The following UBAC2 variants were observed in gnomAD, a reference collection of about 807,000 sequenced individuals.
UBAC2 encodes the protein UBA domain containing 2.
Under a neutral mutation model 44.0 loss-of-function variants are expected in UBAC2, and 26 were observed. That is an observed-to-expected ratio of 0.59 (90% CI 0.43 to 0.82). The LOEUF is 0.82. Among genes scored for constraint, UBAC2 ranks in the 40% least tolerant of loss-of-function variants. The probability of loss-of-function intolerance (pLI) is 0.00; values close to 1 mark genes in which losing one functional copy is unlikely to be tolerated. For missense variants in UBAC2, 329 were observed against 419.4 expected, an observed-to-expected ratio of 0.78 and a Z score of 1.88; for synonymous variants, 155 against 154.3, an observed-to-expected ratio of 1.00 and a Z score of -0.04.
intron 6 of UBAC2, among the ~76,000 whole-genome samples, chr13:99,332,380 A>C (rs2044728312): frequency 6.6e-6 from 1 of 152,210 alleles, no homozygotes; most frequent in Non-Finnish European, 1.5e-5. Context: ...CCTTCCTAAA[A>C]GGATGAAGCA....
chr13:99,234,171 C>CTTTTTTTTTT (rs773370310), intron 1 of UBAC2, among the ~76,000 whole-genome samples: 2 of 61,712 alleles, frequency 3.2e-5, no homozygotes, highest in African/African-American at 6.8e-5. Context: ...CTAGCCGTTT[C>CTTTTTTTTTT]TTTTTTTTTT....
At chr13:99,266,658 G>A (rs893569230) in intron 4 of UBAC2, among the ~76,000 whole-genome samples, 2 of 151,992 alleles carry the variant, frequency 1.3e-5, no homozygotes, top group Non-Finnish European at 2.9e-5. Context: ...ACATAAATGT[G>A]GCCTTAGAAC....
Position 99,295,868 on chromosome 13 carries a change from A to G in UBAC2, c.390-18229A>G, listed in dbSNP as rs761576193. On this transcript the variant is annotated intron_variant, in intron 4 of 8. Transcript: ENST00000403766. This position sits in a 1 kb window ranked among gnomAD's most constrained non-coding sequence, Gnocchi z 4.1. ...ATCTCCGATTCTCCAGTCAAAGCCC[A>G]TTGCATAGTAGGCTATTCGTGTAGG... 7.5e-6 allele frequency: 12 copies of G among 1,608,254 alleles called. No individual in the cohort carries two copies. The highest frequency in any genetic ancestry group is 1.0e-5 in the Non-Finnish European group (12 of 1,176,436).
rs143283188 is a variant in UBAC2, at chr13:99,255,224, C to T, written c.389+10600C>T. The T allele has an allele frequency of 1.5e-5, 25 of 1,613,802 alleles. No homozygotes were observed. The highest frequency in any genetic ancestry group is 4.0e-5 in the African/African-American group (3 of 74,818). On this transcript the variant is annotated intron_variant, in intron 4 of 8. Transcript: ENST00000403766. Reference sequence around the variant, plus strand: ...TTGGGTTTCAGCTTAGACGTCCTGCCGTGAAGGAGATTATGAATAATGACC... The same window carrying T: ...TTGGGTTTCAGCTTAGACGTCCTGCTGTGAAGGAGATTATGAATAATGACC...
intron 6 of UBAC2, among the ~76,000 whole-genome samples, chr13:99,333,105 A>G (rs897905227): frequency 6.7e-6 from 1 of 149,120 alleles, no homozygotes; most frequent in Non-Finnish European, 1.5e-5. Context: ...CTGGGGGGGG[A>G]AGAAAGAGAG....
chr13:99,245,820 G>A (rs2043376768), intron 4 of UBAC2, among the ~76,000 whole-genome samples: 1 of 152,108 alleles, frequency 6.6e-6, no homozygotes, highest in Non-Finnish European at 1.5e-5. Context: ...GGGTGACAGA[G>A]TGAGACTCCG....
chr13:99,315,125 G>T (rs894920217), intron 5 of UBAC2, among the ~76,000 whole-genome samples: 2 of 151,982 alleles, frequency 1.3e-5, no homozygotes, highest in African/African-American at 4.8e-5. Flanking sequence ...CATCTGGGGC[G>T]TTTTCTTACC....
At chr13:99,202,274 G>A (rs760601362) in intron 1 of UBAC2, among the ~76,000 whole-genome samples, 1 of 151,980 alleles carries the variant, frequency 6.6e-6, no homozygotes, top group African/African-American at 2.4e-5. Flanking sequence ...TTGATTTATG[G>A]CATCTTTCAT....
intron 7 of UBAC2, among the ~76,000 whole-genome samples, chr13:99,356,435 C>T (rs1206740437): frequency 1.3e-5 from 2 of 152,250 alleles, no homozygotes; most frequent in Non-Finnish European, 2.9e-5. Flanking sequence ...AACTGAGCAA[C>T]AGGATGTATT....
chr13:99,283,935 A>G (rs998394758), intron 4 of UBAC2, among the ~76,000 whole-genome samples: 1 of 151,896 alleles, frequency 6.6e-6, no homozygotes, highest in African/African-American at 2.4e-5. Context: ...GTGTTTCACC[A>G]TGTAGGTCAG....
chr13:99,252,726 G>A (rs1368848768), intron 4 of UBAC2, among the ~76,000 whole-genome samples: 1 of 152,100 alleles, frequency 6.6e-6, no homozygotes, highest in Non-Finnish European at 1.5e-5. Context: ...ATGTTTAAAT[G>A]TATTTGGTTA....
intron 6 of UBAC2, among the ~76,000 whole-genome samples, chr13:99,336,949 G>A (rs1303633539): frequency 1.3e-5 from 2 of 148,220 alleles, no homozygotes; most frequent in South Asian, 2.1e-4. Context: ...CCTCCCTCCT[G>A]TGACCCCTTC....
At chr13:99,298,435 A>G (rs1031402688) in intron 4 of UBAC2, among the ~76,000 whole-genome samples, 3 of 152,202 alleles carry the variant, frequency 2.0e-5, no homozygotes, top group Non-Finnish European at 4.4e-5. Flanking sequence ...AAATTTCGAA[A>G]TGCTTAGAAC....
At chr13:99,293,604 C>G (rs570264156) in intron 4 of UBAC2, among the ~76,000 whole-genome samples, 1 of 152,154 alleles carries the variant, frequency 6.6e-6, no homozygotes, top group Admixed American at 6.5e-5. Flanking sequence ...GGCTTTCATC[C>G]GTGTTGTCTC....
chr13:99,236,298 T>G (rs1299697441), intron 1 of UBAC2, among the ~76,000 whole-genome samples: 1 of 152,206 alleles, frequency 6.6e-6, no homozygotes, highest in African/African-American at 2.4e-5. Flanking sequence ...CTTGCAATAC[T>G]TGCAGATTAA....
At chr13:99,282,699 C>G (rs2043969780) in intron 4 of UBAC2, among the ~76,000 whole-genome samples, 1 of 152,176 alleles carries the variant, frequency 6.6e-6, no homozygotes, top group South Asian at 2.1e-4. Flanking sequence ...TGGTTGTATT[C>G]AAGATTCACT....
intron 8 of UBAC2, among the ~76,000 whole-genome samples, chr13:99,373,534 C>T (rs775150665): frequency 9.9e-5 from 15 of 152,126 alleles, no homozygotes; most frequent in East Asian, 3.9e-4. Context: ...ATGGATAAGG[C>T]GGAATGTCCT....
chr13:99,298,585 A>G (rs919292141), intron 4 of UBAC2, among the ~76,000 whole-genome samples: 10 of 152,316 alleles, frequency 6.6e-5, no homozygotes, highest in South Asian at 4.1e-4. Context: ...GAAGCTAGAA[A>G]AGAACTGTTT....
chr13:99,298,175 CTT>C (rs1246831771), intron 4 of UBAC2, among the ~76,000 whole-genome samples: 2 of 152,086 alleles, frequency 1.3e-5, no homozygotes, highest in African/African-American at 4.8e-5. Context: ...AGATTAAAGA[CTT>C]ATTTACTCAA....
Sources: allele counts gnomAD v4.1 joint callset (sites outside exome capture counted in the v4.1 genomes callset), GRCh38; gene constraint gnomAD v4.1.1; non-coding constraint Gnocchi (gnomAD v3.1); transcripts MANE v1.5; gene names NCBI Gene and HGNC (gene_info 2026-07-23, HGNC 2026-07-21).